Variants in DENND1B observed in about 807,000 individuals in gnomAD.
The protein encoded by DENND1B is DENN domain containing 1B.
DENND1B carries 59 observed loss-of-function variants against 90.1 expected under a neutral mutation model. That is an observed-to-expected ratio of 0.65 (90% CI 0.53 to 0.81). The LOEUF (loss-of-function observed/expected upper bound fraction) is 0.81. Among genes scored for constraint, DENND1B ranks in the 40% least tolerant of loss-of-function variants. DENND1B has a pLI of 0.00. For missense variants in DENND1B, 862 were observed against 912.6 expected, an observed-to-expected ratio of 0.94 and a Z score of 0.71; for synonymous variants, 337 against 324.6, an observed-to-expected ratio of 1.04 and a Z score of -0.41.
chr1:197,690,542 A>G, intron 3 of DENND1B: 1 of 210,760 alleles, frequency 4.7e-6, no homozygotes, highest in South Asian at 8.7e-5. Context: ...TGAGACAGAC[A>G]GTTGCTGTGG....
chr1:197,527,070 A>T (rs1669185942), intron 20 of DENND1B, among the ~76,000 whole-genome samples: 1 of 152,194 alleles, frequency 6.6e-6, no homozygotes, highest in Admixed American at 6.5e-5. Flanking sequence ...AAAAGAGAAA[A>T]ATAACTTTCT....
At position 197,507,772 on chromosome 1, in the gene DENND1B, C is replaced by A. The variant is rs1437727511; in HGVS notation, c.*2688G>T. The A allele has an allele frequency of 6.6e-6, 1 of 151,546 alleles. No homozygotes were observed. The highest frequency in any genetic ancestry group is 1.5e-5 in the Non-Finnish European group (1 of 67,668). 9.4% of individuals were successfully genotyped at this position (151,546 alleles called of 1,614,324 possible). A position where few individuals can be genotyped will look rare whatever the true frequency, so the allele number is the denominator to read the frequency against. On this transcript the variant is annotated 3_prime_UTR_variant, in exon 23 of 23. Transcript: ENST00000620048. Reference sequence around the variant, plus strand: ...TTTCGGAACTCACCCAGTTTAATTTCATTCTCACTATAACCACCATAATAC... The same window carrying A: ...TTTCGGAACTCACCCAGTTTAATTTAATTCTCACTATAACCACCATAATAC...
At chr1:197,686,828 T>G (rs560636685) in intron 3 of DENND1B, among the ~76,000 whole-genome samples, 12 of 152,234 alleles carry the variant, frequency 7.9e-5, no homozygotes, top group Non-Finnish European at 1.3e-4. Context: ...ATTCAGCTCT[T>G]ACCTTTCCAT....
intron 14 of DENND1B, among the ~76,000 whole-genome samples, chr1:197,590,504 G>T (rs534884056): frequency 1.6e-4 from 24 of 152,070 alleles, no homozygotes; most frequent in Non-Finnish European, 3.4e-4. Flanking sequence ...ACAACTTTAA[G>T]GAGTTTTATA....
chr1:197,772,249 C>T (rs753410490), intron 2 of DENND1B, among the ~76,000 whole-genome samples: 6 of 152,072 alleles, frequency 3.9e-5, no homozygotes, highest in African/African-American at 7.2e-5. Context: ...TGAAAAGATT[C>T]GCCCTTTCAC....
chr1:197,740,782 A>G (rs1663138523), intron 2 of DENND1B, among the ~76,000 whole-genome samples: 1 of 152,186 alleles, frequency 6.6e-6, no homozygotes. Context: ...ACCTTCATTA[A>G]TAAGTTCTTT....
intron 18 of DENND1B, among the ~76,000 whole-genome samples, chr1:197,543,764 T>A (rs1309516267): frequency 1.3e-5 from 2 of 152,168 alleles, no homozygotes; most frequent in Non-Finnish European, 2.9e-5. Flanking sequence ...TATTTTTTAA[T>A]CAACTCTATA....
intron 2 of DENND1B, among the ~76,000 whole-genome samples, chr1:197,731,255 T>C (rs1453452589): frequency 6.6e-6 from 1 of 151,924 alleles, no homozygotes; most frequent in African/African-American, 2.4e-5. Context: ...TTTAGAAAAA[T>C]AATTATTGGC....
Position 197,714,971 on chromosome 1 carries a change from T to C in DENND1B, c.126+60A>G, listed in dbSNP as rs531854178. Reference sequence around the variant, plus strand: ...GTTATACTAGCAACAGCAGCAGTAATAGTAGCAACAATCATAATACTTCAA... The same window carrying C: ...GTTATACTAGCAACAGCAGCAGTAACAGTAGCAACAATCATAATACTTCAA... On this transcript the variant is annotated intron_variant, in intron 3 of 22. Coordinates refer to ENST00000620048, the MANE Select transcript of DENND1B (RefSeq NM_001195215.2). The C allele has an allele frequency of 9.1e-4, 1,117 of 1,229,754 alleles. 3 individuals are homozygous for C. Among genetic ancestry groups the C allele is most frequent in the Non-Finnish European group, 1.1e-3 (932 of 837,860 alleles). The allele number at this position is 1,229,754 out of a possible 1,614,324, so 76.2% of individuals were successfully genotyped here. A position where few individuals can be genotyped will look rare whatever the true frequency, so the allele number is the denominator to read the frequency against.
chr1:197,759,064 G>A (rs906493614), intron 2 of DENND1B, among the ~76,000 whole-genome samples: 25 of 148,456 alleles, frequency 1.7e-4, no homozygotes, highest in Admixed American at 6.8e-4. Flanking sequence ...CCACCTTCTA[G>A]GTTCAAGCAA....
At chr1:197,583,300 G>A (rs933900090) in intron 14 of DENND1B, 47 bp from the exon 15 acceptor site, 3 of 1,557,816 alleles carry the variant, frequency 1.9e-6, no homozygotes, top group Non-Finnish European at 2.7e-6. Flanking sequence ...AGGTTAGTCA[G>A]AGAGAACTAG....
At chr1:197,523,649 T>G (rs1016673346) in intron 20 of DENND1B, among the ~76,000 whole-genome samples, 2 of 152,106 alleles carry the variant, frequency 1.3e-5, no homozygotes, top group Non-Finnish European at 2.9e-5. Context: ...AAGACTCTAC[T>G]CTAAGCACAA....
At chr1:197,610,389 C>T (rs745844828) in intron 12 of DENND1B, among the ~76,000 whole-genome samples, 15 of 150,198 alleles carry the variant, frequency 1.0e-4, no homozygotes, top group Non-Finnish European at 1.9e-4. Flanking sequence ...AAAATATATA[C>T]CCTTTTATAC....
At chr1:197,734,873 A>T (rs1662495107) in intron 2 of DENND1B, 2 of 985,146 alleles carry the variant, frequency 2.0e-6, no homozygotes, top group South Asian at 4.7e-5. Flanking sequence ...ATCAATGCTT[A>T]TACATAGCAG....
chr1:197,723,338 C>T (rs543163027), intron 2 of DENND1B, among the ~76,000 whole-genome samples: 1 of 152,170 alleles, frequency 6.6e-6, no homozygotes, highest in East Asian at 1.9e-4. Flanking sequence ...ACAAAGAAAG[C>T]AATTTCTTTT....
intron 7 of DENND1B, among the ~76,000 whole-genome samples, chr1:197,650,240 C>G (rs765881345): frequency 2.0e-5 from 3 of 152,128 alleles, no homozygotes; most frequent in Non-Finnish European, 4.4e-5. Context: ...TAGCAAACAG[C>G]AATAAAACAT....
At chr1:197,644,340 T>A (rs1241774060) in intron 9 of DENND1B, among the ~76,000 whole-genome samples, 1 of 152,232 alleles carries the variant, frequency 6.6e-6, no homozygotes, top group Non-Finnish European at 1.5e-5. Context: ...ATATTCTCAG[T>A]GGCAGTTTTT....
At chr1:197,693,620 T>A (rs1658133973) in intron 3 of DENND1B, among the ~76,000 whole-genome samples, 1 of 151,686 alleles carries the variant, frequency 6.6e-6, no homozygotes, top group Non-Finnish European at 1.5e-5. Flanking sequence ...AGCTGTCTCT[T>A]AATATACAAA....
chr1:197,764,392 T>C (rs1235923185), intron 2 of DENND1B, among the ~76,000 whole-genome samples: 1 of 152,210 alleles, frequency 6.6e-6, no homozygotes, highest in Non-Finnish European at 1.5e-5. Flanking sequence ...GGAAGCCTAA[T>C]CAGAGAAAAT....
Sources: allele counts gnomAD v4.1 joint callset (sites outside exome capture counted in the v4.1 genomes callset), GRCh38; gene constraint gnomAD v4.1.1; transcripts MANE v1.5; gene names NCBI Gene and HGNC (gene_info 2026-07-23, HGNC 2026-07-21).